The following AGMO variants were observed in gnomAD, a reference collection of about 807,000 sequenced individuals.
The protein encoded by AGMO is glyceryl-ether monooxygenase.
A neutral mutation model predicts 60.2 loss-of-function variants in AGMO; 75 were observed. The observed-to-expected ratio is 1.25, with a 90% CI of 1.03 to 1.51. AGMO has a LOEUF of 1.51. AGMO is among the 40% of genes most tolerant of loss of function. AGMO has a pLI of 0.00. For missense variants in AGMO, 763 were observed against 525.5 expected (o/e 1.45, Z -4.42); for synonymous variants, 261 against 177.1 (o/e 1.47, Z -3.76).
chr7:15,503,677 A>T (rs1261699337), intron 3 of AGMO, among the ~76,000 whole-genome samples: 1 of 152,068 alleles, frequency 6.6e-6, no homozygotes, highest in African/African-American at 2.4e-5. Flanking sequence ...ATGTATTAAC[A>T]TATTTCCAAG....
At chr7:15,405,318 G>T (rs1784658159) in intron 5 of AGMO, among the ~76,000 whole-genome samples, 1 of 151,718 alleles carries the variant, frequency 6.6e-6, no homozygotes, top group Non-Finnish European at 1.5e-5. Flanking sequence ...TATACACTGG[G>T]AAAACAAAAA....
At chr7:15,151,626 T>C in the AGMO span, among the ~76,000 whole-genome samples, 2 of 152,158 alleles carry the variant, frequency 1.3e-5, no homozygotes, top group Admixed American at 1.3e-4. Flanking sequence ...TGAGAAATAT[T>C]CCTGGTGTTG....
the AGMO span, among the ~76,000 whole-genome samples, chr7:15,139,892 A>AT: frequency 6.7e-6 from 1 of 150,244 alleles, no homozygotes; most frequent in African/African-American, 2.4e-5. Context: ...ATTAGTCAGC[A>AT]TTTAACCCAA....
chr7:15,296,296 C>T (rs1367630280), intron 12 of AGMO, among the ~76,000 whole-genome samples: 1 of 152,032 alleles, frequency 6.6e-6, no homozygotes. Flanking sequence ...TGTTATCCTA[C>T]AAGCCCTAAG....
At chr7:15,229,199 G>C (rs1302930975) in intron 12 of AGMO, among the ~76,000 whole-genome samples, 4 of 151,916 alleles carry the variant, frequency 2.6e-5, no homozygotes, top group African/African-American at 9.7e-5. Flanking sequence ...TGATTCATTG[G>C]ACAACAACTC....
chr7:15,462,440 G>A (rs533916001), intron 3 of AGMO, among the ~76,000 whole-genome samples: 195 of 152,014 alleles, frequency 1.3e-3, no homozygotes, highest in African/African-American at 4.5e-3. Flanking sequence ...TTTCCCTGTC[G>A]TACACAACAT....
chr7:15,560,388 T>A lies in AGMO; in HGVS notation c.127-117A>T. ...CAGATTTGGGAAGCCCTGCAGGAGATGGTAGACACTCATTTTAGAGGATTA... is the reference window on the plus strand; with the variant it reads ...CAGATTTGGGAAGCCCTGCAGGAGAAGGTAGACACTCATTTTAGAGGATTA... On this transcript the variant is annotated intron_variant, in intron 1 of 12. Transcript: ENST00000342526. The A allele has an allele frequency of 5.9e-6, 6 of 1,019,956 alleles. No individual in the cohort carries two copies. The South Asian group carries it at 1.1e-4, about 18-fold the overall frequency. The allele number at this position is 1,019,956 out of a possible 1,614,324, so 63.2% of individuals were successfully genotyped here.
intron 12 of AGMO, among the ~76,000 whole-genome samples, chr7:15,365,209 C>G (rs1426372916): frequency 6.6e-6 from 1 of 151,664 alleles, no homozygotes; most frequent in Non-Finnish European, 1.5e-5. Flanking sequence ...ATCAATTCTT[C>G]CACTTCTTGA....
At chr7:15,502,295 T>G (rs1783407564) in intron 3 of AGMO, among the ~76,000 whole-genome samples, 1 of 151,888 alleles carries the variant, frequency 6.6e-6, no homozygotes. Flanking sequence ...CTAAACATTC[T>G]TTCGCTCCCC....
intron 3 of AGMO, among the ~76,000 whole-genome samples, chr7:15,456,780 T>A (rs539994322): frequency 6.6e-6 from 1 of 152,298 alleles, no homozygotes; most frequent in Admixed American, 6.5e-5. Context: ...TCACCTTGGC[T>A]CTGTGCGCTA....
chr7:15,491,063 G>T (rs550867959), intron 3 of AGMO, among the ~76,000 whole-genome samples: 389 of 152,184 alleles, frequency 2.6e-3, no homozygotes, highest in Non-Finnish European at 4.1e-3. Context: ...ACTCTAATCT[G>T]CCCATTGTTA....
chr7:15,418,473 C>T, intron 5 of AGMO, 85 bp downstream of exon 5: 1 of 818,292 alleles, frequency 1.2e-6, no homozygotes, highest in Non-Finnish European at 2.0e-6. Context: ...TTTTCTTACA[C>T]AATAAATCAT....
chr7:15,411,550 T>G (rs1466741192), intron 5 of AGMO, among the ~76,000 whole-genome samples: 1 of 152,018 alleles, frequency 6.6e-6, no homozygotes, highest in Non-Finnish European at 1.5e-5. Context: ...ACTAATTGTG[T>G]ATTTACAATA....
At position 15,248,203 on chromosome 7, in the gene AGMO, T is replaced by TATATATAC. The variant is rs1782816006; in HGVS notation, c.1264-46845_1264-46844insGTATATAT. On this transcript the variant is annotated intron_variant, in intron 12 of 12. Transcript: ENST00000342526. ...CCATATATATATATATATATATATA[T>TATATATAC]ATATATATATATATATATATATCTT... is the stretch of plus-strand genomic sequence containing the variant. 8.5e-5 allele frequency among the ~76,000 whole-genome samples: 8 copies of TATATATAC among 94,556 alleles called. 1 individual carries two copies. The highest frequency in any genetic ancestry group is 3.2e-4 in the African/African-American group (8 of 25,206). 62.0% of individuals were successfully genotyped at this position (94,556 alleles called of 152,430 possible). A position where few individuals can be genotyped will look rare whatever the true frequency, so the allele number is the denominator to read the frequency against.
At chr7:15,319,423 G>T (rs1781038170) in intron 12 of AGMO, among the ~76,000 whole-genome samples, 1 of 152,078 alleles carries the variant, frequency 6.6e-6, no homozygotes, top group Non-Finnish European at 1.5e-5. Context: ...CCTGAATTTG[G>T]ACTGGGGATC....
At chr7:15,469,745 C>T (rs1185130972) in intron 3 of AGMO, among the ~76,000 whole-genome samples, 1 of 151,986 alleles carries the variant, frequency 6.6e-6, no homozygotes, top group Non-Finnish European at 1.5e-5. Flanking sequence ...ATAGAGAATA[C>T]ATAAGGAAAG....
At chr7:15,381,624 A>G (rs958381688) in intron 10 of AGMO, among the ~76,000 whole-genome samples, 4 of 152,110 alleles carry the variant, frequency 2.6e-5, no homozygotes, top group Admixed American at 6.6e-5. Flanking sequence ...GGAATTCCTC[A>G]AAGACAAAGA....
intron 12 of AGMO, among the ~76,000 whole-genome samples, chr7:15,230,571 G>A (rs1782230543): frequency 6.6e-6 from 1 of 152,088 alleles, no homozygotes; most frequent in South Asian, 2.1e-4. Flanking sequence ...GCCCTCTGTT[G>A]GGTCATGCTC....
intron 12 of AGMO, among the ~76,000 whole-genome samples, chr7:15,353,517 A>C (rs572658321): frequency 6.6e-6 from 1 of 152,322 alleles, no homozygotes; most frequent in African/African-American, 2.4e-5. Context: ...AACAAGCACA[A>C]AAGCAAGACT....
Sources: gnomAD v4.1 joint callset for allele counts (sites outside exome capture counted in the v4.1 genomes callset) on GRCh38, gnomAD v4.1.1 for gene constraint, MANE v1.5 for transcripts, NCBI Gene and HGNC (gene_info 2026-07-23, HGNC 2026-07-21) for gene names.